TET1: variants seen among roughly 807,000 people sequenced by gnomAD.
The protein encoded by TET1 is tet methylcytosine dioxygenase 1.
In TET1, 13 loss-of-function variants were observed where a neutral mutation model predicts 148.7. That is an observed-to-expected ratio of 0.09 (90% CI 0.06 to 0.14). The LOEUF is 0.14. Ranked by LOEUF, TET1 falls within the 10% of genes least tolerant of loss-of-function variation. The probability of loss-of-function intolerance (pLI) is 1.00; values close to 1 mark genes in which losing one functional copy is unlikely to be tolerated. For missense variants in TET1, 2,182 were observed against 2,553.8 expected (o/e 0.85, Z 3.14); for synonymous variants, 907 against 937.2 (o/e 0.97, Z 0.59).
Position 68,645,875 on chromosome 10 carries a change from A to C in TET1, c.3146A>C (p.Asn1049Thr). 1 of 1,614,138 alleles carries C rather than the reference A, an allele frequency of 6.2e-7. No individual in the cohort carries two copies. Among genetic ancestry groups the C allele is most frequent in the Non-Finnish European group, 8.5e-7 (1 of 1,180,026 alleles). Reference sequence around the variant, plus strand: ...AGAAATAATGAAGTGGAGTATTGCAACCAGTTACTGGACAGCAGCAAAAAA... The same window carrying C: ...AGAAATAATGAAGTGGAGTATTGCACCCAGTTACTGGACAGCAGCAAAAAA... Reference protein sequence around the residue: ...PPRNNEVEYCNQLLDSSKKLD... With the variant: ...PPRNNEVEYCTQLLDSSKKLD... The change falls in exon 4 of 12, where the codon AAC becomes ACC. Residue 1049 changes from asparagine (N) to threonine (T), a missense_variant. Asn to Thr is a moderately conservative substitution (Grantham distance 65). This residue lies in a region of TET1 where 582 missense variants were observed against 599.5 expected (regional missense o/e 0.97). Transcript: ENST00000373644.
chr10:68,671,000 G>T (rs571224072), intron 7 of TET1, among the ~76,000 whole-genome samples: 20 of 151,126 alleles, frequency 1.3e-4, no homozygotes, highest in Non-Finnish European at 2.8e-4. Context: ...TTCTTTTACT[G>T]TTTTTTTTGT....
At chr10:68,613,052 C>T (rs570470003) in intron 3 of TET1, among the ~76,000 whole-genome samples, 102 of 152,274 alleles carry the variant, frequency 6.7e-4, no homozygotes, top group Non-Finnish European at 7.5e-4. Flanking sequence ...AATTCATACA[C>T]ATTATAGCTT....
intron 6 of TET1, among the ~76,000 whole-genome samples, chr10:68,662,589 A>G: frequency 6.6e-6 from 1 of 152,066 alleles, no homozygotes; most frequent in Non-Finnish European, 1.5e-5. Context: ...TAATATGTGT[A>G]TGTATAATAG....
intron 9 of TET1, 79 bp downstream of exon 9, chr10:68,681,567 T>A: frequency 2.2e-6 from 2 of 923,168 alleles, no homozygotes; most frequent in Admixed American, 2.3e-5. Context: ...AGCAGTACAG[T>A]GGCATGATCA....
intron 6 of TET1, among the ~76,000 whole-genome samples, chr10:68,652,929 G>A (rs1014655865): frequency 2.7e-5 from 4 of 149,052 alleles, no homozygotes; most frequent in Non-Finnish European, 4.4e-5. Context: ...GATTACAGGC[G>A]TGAGCTACTG....
At chr10:68,678,290 A>T (rs1589131351) in intron 8 of TET1, among the ~76,000 whole-genome samples, 1 of 152,334 alleles carries the variant, frequency 6.6e-6, no homozygotes, top group Admixed American at 6.5e-5. Context: ...CCAGGTTTGT[A>T]GAGGGCAGAT....
intron 1 of TET1, among the ~76,000 whole-genome samples, chr10:68,571,789 T>C (rs982399107): frequency 2.6e-5 from 4 of 152,168 alleles, no homozygotes; most frequent in Non-Finnish European, 5.9e-5. Context: ...TCTCCTAAAA[T>C]GCTGGGATCA....
chr10:68,672,225 C>T (rs2055281447), intron 7 of TET1, among the ~76,000 whole-genome samples: 1 of 151,930 alleles, frequency 6.6e-6, no homozygotes, highest in Admixed American at 6.6e-5. Context: ...TGTCCAGGCT[C>T]AGTGCCTCAC....
chr10:68,654,592 G>T (rs1038764807), intron 6 of TET1, among the ~76,000 whole-genome samples: 1 of 152,142 alleles, frequency 6.6e-6, no homozygotes, highest in Non-Finnish European at 1.5e-5. Context: ...ACTCCAGCCT[G>T]GGAGACAGAG....
rs72799553 is a variant in TET1 at position 68,685,851 on chromosome 10, A to T, written c.5053-505A>T. Among the ~76,000 whole-genome samples, 601 of 151,132 alleles carry T rather than the reference A, an allele frequency of 4.0e-3. 2 individuals are homozygous for T. The highest frequency in any genetic ancestry group is 6.9e-3 in the African/African-American group (281 of 40,654). On this transcript the variant is annotated intron_variant, in intron 10 of 11. Transcript: ENST00000373644. ...AGAGAATATTTATCAATATAAAATT[A>T]AAAAAAAATTTTTTTTAACTGTTAG... is the stretch of plus-strand genomic sequence containing the variant.
intron 8 of TET1, among the ~76,000 whole-genome samples, chr10:68,679,621 TA>T (rs1433439171): frequency 6.6e-6 from 1 of 152,162 alleles, no homozygotes; most frequent in African/African-American, 2.4e-5. Context: ...ACATAATAAT[TA>T]GTGTATGGGT....
At chr10:68,652,374 G>T in intron 5 of TET1, 127 bp from the exon 6 acceptor site, 1 of 530,904 alleles carries the variant, frequency 1.9e-6, no homozygotes, top group South Asian at 4.0e-5. Flanking sequence ...AGTAAATTAC[G>T]AAGAGTGTCT....
chr10:68,644,305 G>A (rs1564987619), intron 3 of TET1, among the ~76,000 whole-genome samples: 4 of 152,094 alleles, frequency 2.6e-5, no homozygotes, highest in East Asian at 1.9e-4. Flanking sequence ...GTGCTGAAGC[G>A]ATGCTGTCAC....
At chr10:68,585,166 G>C (rs1237286944) in intron 2 of TET1, among the ~76,000 whole-genome samples, 1 of 152,086 alleles carries the variant, frequency 6.6e-6, no homozygotes, top group Non-Finnish European at 1.5e-5. Flanking sequence ...CACCACACCA[G>C]GCTAATTTTG....
intron 3 of TET1, chr10:68,632,690 A>G: frequency 1.2e-6 from 2 of 1,609,352 alleles, no homozygotes; most frequent in Admixed American, 1.7e-5. Flanking sequence ...ACCCACCTCG[A>G]TCCTGAAAGA....
chr10:68,682,613 C>T (rs574722076), intron 9 of TET1, among the ~76,000 whole-genome samples: 1 of 152,312 alleles, frequency 6.6e-6, no homozygotes, highest in African/African-American at 2.4e-5. Flanking sequence ...CTCACCCTGC[C>T]TTCCCTTGTA....
intron 2 of TET1, among the ~76,000 whole-genome samples, chr10:68,589,280 A>C (rs1447349053): frequency 6.6e-6 from 1 of 152,002 alleles, no homozygotes; most frequent in Non-Finnish European, 1.5e-5. Context: ...AATTGTCTTC[A>C]GCAGGAGGTT....
chr10:68,573,265 G>A lies in TET1; in HGVS notation c.927G>A (p.Leu309=). ...GTCTTAATAAGGTTATACCTGACTTGAACCTTAGAAACTGCTTGGCTCTTG... is the reference window on the plus strand; with the variant it reads ...GTCTTAATAAGGTTATACCTGACTTAAACCTTAGAAACTGCTTGGCTCTTG... The part of the protein sequence containing the change: ...TSSLNKVIPD[L]NLRNCLALGG... Residue 309 remains leucine, a synonymous_variant, in exon 2 of 12, where the codon TTG becomes TTA. Transcript: ENST00000373644. The A allele has an allele frequency of 6.2e-7, 1 of 1,613,962 alleles. No homozygotes were observed. The highest frequency in any genetic ancestry group is 8.5e-7 in the Non-Finnish European group (1 of 1,180,014).
At chr10:68,638,506 G>A (rs904062121) in intron 3 of TET1, among the ~76,000 whole-genome samples, 6 of 152,088 alleles carry the variant, frequency 3.9e-5, no homozygotes, top group Non-Finnish European at 8.8e-5. Flanking sequence ...TGGTATGTCC[G>A]TGGTATTAAA....
Sources: gnomAD v4.1 joint callset for allele counts (sites outside exome capture counted in the v4.1 genomes callset) on GRCh38, gnomAD v4.1.1 for gene constraint, gnomAD v4.1.1 regional missense constraint, MANE v1.5 for transcripts, NCBI Gene and HGNC (gene_info 2026-07-23, HGNC 2026-07-21) for gene names.